Variants in COL11A1 observed in about 807,000 individuals in gnomAD.
The protein encoded by COL11A1 is collagen alpha-1(XI) chain.
Under a neutral mutation model 265.2 loss-of-function variants are expected in COL11A1, and 74 were observed. The observed-to-expected ratio is 0.28, with a 90% CI of 0.23 to 0.34. The LOEUF is 0.34. Ranked by LOEUF, COL11A1 falls within the 10% of genes least tolerant of loss-of-function variation. The probability of loss-of-function intolerance (pLI) is 1.00; values close to 1 mark genes in which losing one functional copy is unlikely to be tolerated. For synonymous variants in COL11A1, 816 were observed against 727.6 expected (o/e 1.12, Z -1.96); for missense variants, 2,165 against 2,263.6 (o/e 0.96, Z 0.88).
chr1:103,101,642 A>C (rs1040421608), intron 1 of COL11A1, among the ~76,000 whole-genome samples: 2 of 151,884 alleles, frequency 1.3e-5, no homozygotes, highest in African/African-American at 4.8e-5. Flanking sequence ...TACTCTGTGC[A>C]CTCAAGTTCT....
chr1:102,982,821 G>A (rs1476986780), intron 31 of COL11A1, among the ~76,000 whole-genome samples: 2 of 152,146 alleles, frequency 1.3e-5, no homozygotes, highest in East Asian at 3.9e-4. Context: ...CATATTCAGG[G>A]AGAAGGATAT....
chr1:103,010,167 T>C (rs540016956), intron 14 of COL11A1, among the ~76,000 whole-genome samples: 42 of 152,300 alleles, frequency 2.8e-4, no homozygotes, highest in Admixed American at 5.9e-4. Flanking sequence ...GATAACTAGA[T>C]GTAAACAATT....
intron 47 of COL11A1, 34 bp from the exon 48 acceptor site, chr1:102,921,605 C>A: frequency 3.3e-6 from 5 of 1,535,456 alleles, no homozygotes; most frequent in Non-Finnish European, 4.5e-6. Context: ...TTACAAAGAC[C>A]AAATTCAAAT....
At chr1:103,012,601 A>T (rs1247843459) in intron 13 of COL11A1, 132 bp from the exon 14 acceptor site, 1 of 719,128 alleles carries the variant, frequency 1.4e-6, no homozygotes, top group African/African-American at 1.8e-5. Flanking sequence ...TGCTAGAAAG[A>T]GTGTCAGGTT....
intron 13 of COL11A1, among the ~76,000 whole-genome samples, chr1:103,014,292 G>C (rs942203294): frequency 6.6e-6 from 1 of 151,972 alleles, no homozygotes; most frequent in Non-Finnish European, 1.5e-5. Flanking sequence ...ATTATATAAT[G>C]GCAACATTGC....
In COL11A1 at chr1:102,971,585, A is replaced by G. The variant is rs190923979; in HGVS notation, c.2809-1313T>C. Among the ~76,000 whole-genome samples, 250 of 152,274 alleles carry G rather than the reference A, an allele frequency of 1.6e-3. 1 individual carries two copies. Among genetic ancestry groups the G allele is most frequent in the Middle Eastern group, 0.01 (3 of 294 alleles). ...ACATCTATTTTTAATATATGTTCTT[A>G]TAGAGTGAGTATGAAAAACAGGCTT... is the stretch of plus-strand genomic sequence containing the variant. On this transcript the variant is annotated intron_variant, in intron 36 of 66. Transcript: ENST00000370096.
intron 54 of COL11A1, among the ~76,000 whole-genome samples, chr1:102,901,152 C>G (rs1653141343): frequency 6.6e-6 from 1 of 151,930 alleles, no homozygotes; most frequent in Non-Finnish European, 1.5e-5. Context: ...AAACCCGTCT[C>G]TACTAAAAAT....
chr1:102,913,954 G>A (rs956600892), intron 52 of COL11A1, among the ~76,000 whole-genome samples: 2 of 152,126 alleles, frequency 1.3e-5, no homozygotes, highest in South Asian at 2.1e-4. Context: ...GATGTCATTA[G>A]TATACAATGT....
At chr1:103,093,979 G>A (rs1673532971) in intron 1 of COL11A1, among the ~76,000 whole-genome samples, 1 of 152,124 alleles carries the variant, frequency 6.6e-6, no homozygotes, top group Non-Finnish European at 1.5e-5. Flanking sequence ...CATTGAAGAT[G>A]TCATCATTGT....
At chr1:103,005,751 T>G (rs1360116151) in intron 18 of COL11A1, 87 bp downstream of exon 18, 1 of 1,494,410 alleles carries the variant, frequency 6.7e-7, no homozygotes, top group Non-Finnish European at 9.3e-7. Flanking sequence ...AAATTAATTT[T>G]TCTTCTTTTT....
At chr1:103,087,997 C>T (rs1029490366) in intron 1 of COL11A1, among the ~76,000 whole-genome samples, 1 of 152,076 alleles carries the variant, frequency 6.6e-6, no homozygotes, top group African/African-American at 2.4e-5. Flanking sequence ...CTAATATGTA[C>T]TTTTTATTGT....
chr1:102,987,882 C>A (rs752253922), intron 29 of COL11A1, 142 bp from the exon 30 acceptor site: 10 of 697,958 alleles, frequency 1.4e-5, no homozygotes, highest in Non-Finnish European at 2.6e-5. Flanking sequence ...TTGATCGTTC[C>A]TGGGCATGGA....
chr1:102,951,298 C>A (rs1040118881), intron 41 of COL11A1, among the ~76,000 whole-genome samples: 1 of 152,162 alleles, frequency 6.6e-6, no homozygotes, highest in Admixed American at 6.5e-5. Context: ...ATCTCCATGT[C>A]TCTTAATTCA....
At chr1:103,010,507 A>C (rs1666017125) in intron 14 of COL11A1, among the ~76,000 whole-genome samples, 1 of 152,176 alleles carries the variant, frequency 6.6e-6, no homozygotes, top group African/African-American at 2.4e-5. Flanking sequence ...TCTCTTTGCC[A>C]ACAGTCTCTG....
At chr1:103,036,141 C>T (rs1668348260) in intron 4 of COL11A1, among the ~76,000 whole-genome samples, 1 of 151,390 alleles carries the variant, frequency 6.6e-6, no homozygotes, top group South Asian at 2.1e-4. Context: ...TTTCTCCTAG[C>T]TTTGCCATTA....
intron 4 of COL11A1, among the ~76,000 whole-genome samples, chr1:103,045,346 C>T (rs1669161240): frequency 6.6e-6 from 1 of 151,974 alleles, no homozygotes; most frequent in Non-Finnish European, 1.5e-5. Context: ...AATAGACTTG[C>T]TTTTCTAGTT....
Position 102,878,114 on chromosome 1 carries a change from C to T in COL11A1, c.5326G>A (p.Asp1776Asn). 6.2e-7 allele frequency: 1 copy of T among 1,613,256 alleles called. No homozygotes were observed. The highest frequency in any genetic ancestry group is 8.5e-7 in the Non-Finnish European group (1 of 1,179,504). The change falls in exon 67 of 67, where the codon GAT (aspartate) becomes AAT (asparagine). Residue 1776 changes from aspartate to asparagine, a missense_variant. Coordinates refer to ENST00000370096, the MANE Select transcript of COL11A1 (RefSeq NM_001854.4). ...ATGACATCAACAATAGGTACTTGAT[C>T]AATTTTTGGTGTATTGATTTCAATG... ...TVIEINTPKI[D>N]QVPIVDVMIN...
chr1:103,008,906 C>T (rs1477805997), intron 14 of COL11A1, among the ~76,000 whole-genome samples: 2 of 152,082 alleles, frequency 1.3e-5, no homozygotes, highest in Non-Finnish European at 2.9e-5. Flanking sequence ...ACATGTAATC[C>T]ATTTATACTG....
chr1:103,025,930 T>C (rs755733165), intron 6 of COL11A1: 14 of 1,612,470 alleles, frequency 8.7e-6, no homozygotes, highest in Middle Eastern at 1.7e-4. Flanking sequence ...CCTCATCTTC[T>C]TTTTGAAATT....
Sources: gnomAD v4.1 joint callset for allele counts (sites outside exome capture counted in the v4.1 genomes callset) on GRCh38, gnomAD v4.1.1 for gene constraint, MANE v1.5 for transcripts, NCBI Gene and HGNC (gene_info 2026-07-23, HGNC 2026-07-21) for gene names.